Variants in GABRR1 observed in about 807,000 individuals in gnomAD.
The protein encoded by GABRR1 is gamma-aminobutyric acid type A receptor subunit rho1.
GABRR1 carries 59 observed loss-of-function variants against 55.5 expected under a neutral mutation model. The observed-to-expected ratio is 1.06, with a 90% CI of 0.86 to 1.32. The LOEUF (loss-of-function observed/expected upper bound fraction) is 1.32. Ranked by LOEUF, GABRR1 falls within the 40% of genes most tolerant of loss-of-function variation. GABRR1 has a pLI of 0.00. For missense variants in GABRR1, 602 were observed against 619.1 expected (o/e 0.97, Z 0.29); for synonymous variants, 213 against 226.0 (o/e 0.94, Z 0.51).
Position 89,190,251 on chromosome 6 carries a change from G to A in GABRR1, c.573-4C>T, listed in dbSNP as rs1200960303. The A allele has an allele frequency of 6.3e-7, 1 of 1,595,390 alleles. No individual in the cohort carries two copies. On this transcript the variant is annotated splice_polypyrimidine_tract_variant and splice_region_variant and intron_variant, in intron 5 of 9. Coordinates refer to ENST00000454853, the MANE Select transcript of GABRR1 (RefSeq NM_002042.5). ...GCACATTGCAGTTACTGTAACCCTA[G>A]GGCCAAAAAGACAAAATTGATTTAT... is the stretch of plus-strand genomic sequence containing the variant.
chr6:89,214,195 C>A (rs1052118248), intron 1 of GABRR1, among the ~76,000 whole-genome samples: 5 of 152,140 alleles, frequency 3.3e-5, no homozygotes, highest in African/African-American at 1.2e-4. Context: ...AATAAAATTT[C>A]TTTGTAATTT....
intron 1 of GABRR1, among the ~76,000 whole-genome samples, chr6:89,228,775 T>C (rs1773236091): frequency 6.6e-6 from 1 of 151,770 alleles, no homozygotes; most frequent in South Asian, 2.1e-4. Flanking sequence ...TAGATGTCTA[T>C]TAGGTCCGCT....
intron 5 of GABRR1, among the ~76,000 whole-genome samples, chr6:89,190,849 C>T (rs899300901): frequency 6.6e-6 from 1 of 152,194 alleles, no homozygotes; most frequent in Non-Finnish European, 1.5e-5. Context: ...CAAGCACTTG[C>T]TGGCATTGAG....
intron 2 of GABRR1, 21 bp from the exon 3 acceptor site, chr6:89,201,286 AG>A: frequency 2.6e-6 from 4 of 1,521,520 alleles, no homozygotes; most frequent in Non-Finnish European, 3.7e-6. Context: ...GGAAGAAACC[AG>A]GCTGATCATA....
At chr6:89,200,961 T>C (rs576392603) in intron 3 of GABRR1, among the ~76,000 whole-genome samples, 198 bp downstream of exon 3, 2 of 25,110 alleles carry the variant, frequency 8.0e-5, no homozygotes, top group South Asian at 5.2e-3. Flanking sequence ...AGATGCTTCC[T>C]GAGACTGTTC....
chr6:89,231,038 A>G (rs1181616337), intron 1 of GABRR1, among the ~76,000 whole-genome samples: 7 of 151,484 alleles, frequency 4.6e-5, no homozygotes, highest in South Asian at 2.1e-4. Context: ...AGGTGCGTCC[A>G]TCACCCCTTT....
chr6:89,217,378 C>A (rs1003160466), upstream of GABRR1: 3 of 1,577,716 alleles, frequency 1.9e-6, no homozygotes, highest in African/African-American at 2.7e-5. Flanking sequence ...AAAGATTGTT[C>A]TTTTTCTCTC....
intron 1 of GABRR1, among the ~76,000 whole-genome samples, chr6:89,225,189 T>A (rs924969942): frequency 4.6e-5 from 7 of 152,144 alleles, no homozygotes; most frequent in African/African-American, 1.4e-4. Context: ...TTCTCTTGCG[T>A]GTGGCTTGCC....
intron 1 of GABRR1, among the ~76,000 whole-genome samples, chr6:89,215,763 C>T (rs1003502734): frequency 5.3e-5 from 8 of 152,164 alleles, no homozygotes; most frequent in African/African-American, 1.4e-4. Context: ...TAGATCCTTA[C>T]ATCATTTTGT....
At chr6:89,222,385 G>T (rs1027167786) in intron 1 of GABRR1, among the ~76,000 whole-genome samples, 2 of 152,190 alleles carry the variant, frequency 1.3e-5, no homozygotes, top group South Asian at 4.1e-4. Context: ...ACTTTGTGGG[G>T]CTCCTTTTCC....
chr6:89,220,369 C>T (rs1200836573), upstream of GABRR1, among the ~76,000 whole-genome samples: 1 of 152,136 alleles, frequency 6.6e-6, no homozygotes, highest in Non-Finnish European at 1.5e-5. Flanking sequence ...GCAACAAGGC[C>T]ACTTCCTCCA....
At chr6:89,220,749 T>C (rs975103498), upstream of GABRR1, among the ~76,000 whole-genome samples, 2 of 152,108 alleles carry the variant, frequency 1.3e-5, no homozygotes, top group Non-Finnish European at 2.9e-5. Context: ...AGACGGAGTT[T>C]CGTTCTTGTT....
chr6:89,214,825 G>A (rs1181193568), intron 1 of GABRR1, among the ~76,000 whole-genome samples: 1 of 152,016 alleles, frequency 6.6e-6, no homozygotes, highest in Non-Finnish European at 1.5e-5. Context: ...AGGAGCTCGA[G>A]ACCAGCCTGG....
rs144060452 is a variant in GABRR1 at position 89,179,826 on chromosome 6, G to A, written c.1146+466C>T. Among the ~76,000 whole-genome samples the A allele has an allele frequency of 5.5e-4, 84 of 152,302 alleles. 1 individual carries two copies. The highest frequency in any genetic ancestry group is 2.0e-3 in the African/African-American group (83 of 41,560). ...CACTGGAGGAGGAAAGGAGAGTCAG[G>A]TGGGAGGAAAGATAACCTGGGAAAA... On this transcript the variant is annotated intron_variant, in intron 9 of 9. Transcript: ENST00000454853.
chr6:89,203,918 C>T lies in GABRR1; in HGVS notation c.123-433G>A, dbSNP rs115462931. On this transcript the variant is annotated intron_variant, in intron 1 of 9. Coordinates refer to ENST00000454853, the MANE Select transcript of GABRR1 (RefSeq NM_002042.5). ...ATGATTTCAGCCAAATGGGCACCGA[C>T]AGGAGATGAGAGAGGAGGAGGAGGA... is the stretch of plus-strand genomic sequence containing the variant. 4.5e-3 allele frequency among the ~76,000 whole-genome samples: 687 copies of T among 152,316 alleles called. 5 individuals carry two copies. Among genetic ancestry groups the T allele is most frequent in the African/African-American group, 0.016 (664 of 41,560 alleles).
intron 1 of GABRR1, among the ~76,000 whole-genome samples, chr6:89,208,597 A>C (rs1322366538): frequency 2.0e-5 from 3 of 152,240 alleles, no homozygotes; most frequent in Non-Finnish European, 4.4e-5. Context: ...CTTCAGAGAA[A>C]AGACTAAGGT....
At chr6:89,226,142 T>C (rs1006887401) in intron 1 of GABRR1, among the ~76,000 whole-genome samples, 2 of 151,952 alleles carry the variant, frequency 1.3e-5, no homozygotes, top group Non-Finnish European at 2.9e-5. Flanking sequence ...TTTGTTTGAG[T>C]TCATTGTAGA....
chr6:89,178,940 T>A lies in GABRR1; in HGVS notation c.1270A>T (p.Met424Leu), dbSNP rs768738423. Residue 424 changes from methionine (M) to leucine (L), a missense_variant, in exon 10 of 10, where the codon ATG (methionine) becomes TTG (leucine). This residue lies in a region of GABRR1 where 139 missense variants were observed against 141.1 expected (regional missense o/e 0.99). Coordinates refer to ENST00000454853, the MANE Select transcript of GABRR1 (RefSeq NM_002042.5). ...PENGEKPDRM[M>L]VQLTLASERS... is the part of the protein sequence containing the mutation. ...TCTGAGGCCAGGGTCAGCTGCACCA[T>A]CATCCTGTCGGGCTTCTCTCCATTC... The A allele has an allele frequency of 3.1e-6, 5 of 1,614,204 alleles. No individual in the cohort carries two copies. Among genetic ancestry groups the A allele is most frequent in the Middle Eastern group, 3.3e-4 (2 of 6,062 alleles).
At position 89,217,299 on chromosome 6, in the gene GABRR1, T is replaced by A; in HGVS notation, c.24A>T (p.Arg8Ser). MLAVPNM[R>S]FGIFLLWWGW... ...CCCACCACAAAAGAAAGATGCCAAATCTCATATTTGGGACAGCCAACATGG... is the reference window on the plus strand; with the variant it reads ...CCCACCACAAAAGAAAGATGCCAAAACTCATATTTGGGACAGCCAACATGG... The change falls in exon 1 of 10, where the codon AGA (arginine) becomes AGT (serine). Residue 8 changes from arginine (R) to serine (S), a missense_variant. By Grantham distance (110) the Arg-to-Ser change is moderately radical (BLOSUM62 -1). This residue lies in a region of GABRR1 where 435 missense variants were observed against 424.2 expected (regional missense o/e 1.03). Coordinates refer to ENST00000454853, the MANE Select transcript of GABRR1 (RefSeq NM_002042.5). 1 of 1,614,108 alleles carries A rather than the reference T, an allele frequency of 6.2e-7. No individual in the cohort carries two copies. The highest frequency in any genetic ancestry group is 1.6e-4 in the Middle Eastern group (1 of 6,062).
Sources: allele counts gnomAD v4.1 joint callset (sites outside exome capture counted in the v4.1 genomes callset), GRCh38; gene constraint gnomAD v4.1.1; regional missense constraint gnomAD v4.1.1; transcripts MANE v1.5; gene names NCBI Gene and HGNC (gene_info 2026-07-23, HGNC 2026-07-21).